The following ENTREP2 variants were observed in gnomAD, a reference collection of about 807,000 sequenced individuals.
ENTREP2 encodes the protein protein ENTREP2.
At chr15:29,157,076 G>A in the ENTREP2 span, among the ~76,000 whole-genome samples, 18 of 152,238 alleles carry the variant, frequency 1.2e-4, no homozygotes, top group African/African-American at 3.1e-4. Flanking sequence ...CAGCCTGGGC[G>A]ACAAAGCGAG....
At chr15:29,123,503 A>G in the ENTREP2 span, 2 of 1,551,702 alleles carry the variant, frequency 1.3e-6, no homozygotes, top group Middle Eastern at 3.3e-4. Flanking sequence ...GCATCCGCAT[A>G]GGCCTTGCTG....
chr15:29,527,506 C>T, the ENTREP2 span, among the ~76,000 whole-genome samples: 1 of 152,136 alleles, frequency 6.6e-6, no homozygotes, highest in Non-Finnish European at 1.5e-5. Context: ...TTCACAAAAT[C>T]CTTCTCATCT....
the ENTREP2 span, among the ~76,000 whole-genome samples, chr15:29,359,450 T>A: frequency 6.6e-6 from 1 of 152,178 alleles, no homozygotes; most frequent in Non-Finnish European, 1.5e-5. Context: ...TCTTGCTCTG[T>A]CCCCCAGGCT....
chr15:29,604,096 C>A, the ENTREP2 span, among the ~76,000 whole-genome samples: 3 of 152,212 alleles, frequency 2.0e-5, no homozygotes, highest in African/African-American at 4.8e-5. Flanking sequence ...CCCTAATATG[C>A]AAAGGAGTCC....
At chr15:29,343,026 A>ATGGGG in the ENTREP2 span, among the ~76,000 whole-genome samples, 6 of 37,360 alleles carry the variant, frequency 1.6e-4, no homozygotes, top group Non-Finnish European at 3.1e-4. Flanking sequence ...GTAAAAAGGA[A>ATGGGG]TGGGGGGGGT....
the ENTREP2 span, among the ~76,000 whole-genome samples, chr15:29,208,466 G>A: frequency 8.5e-5 from 13 of 152,308 alleles, no homozygotes; most frequent in Admixed American, 2.6e-4. Flanking sequence ...TCAAGCCTCT[G>A]CCCAGTGGCA....
At chr15:29,161,278 C>A in the ENTREP2 span, among the ~76,000 whole-genome samples, 1 of 152,168 alleles carries the variant, frequency 6.6e-6, no homozygotes, top group East Asian at 1.9e-4. Context: ...TCTACAAAGA[C>A]AGGGATTCCC....
At chr15:29,570,297 C>A in the ENTREP2 span, among the ~76,000 whole-genome samples, 3 of 151,740 alleles carry the variant, frequency 2.0e-5, no homozygotes, top group Non-Finnish European at 2.9e-5. Context: ...GCAATAGGAG[C>A]GGGAACGCGA....
chr15:29,467,196 C>T, the ENTREP2 span, among the ~76,000 whole-genome samples: 9,094 of 152,090 alleles, frequency 0.06, 336 homozygotes, highest in Non-Finnish European at 0.073. Context: ...TGCGGCAAAG[C>T]GATGGGCAGG....
At chr15:29,517,961 G>A in the ENTREP2 span, among the ~76,000 whole-genome samples, 1 of 152,312 alleles carries the variant, frequency 6.6e-6, no homozygotes, top group South Asian at 2.1e-4. Context: ...GCACTGCTGG[G>A]TGCGGTGGTT....
chr15:29,237,348 T>G, the ENTREP2 span, among the ~76,000 whole-genome samples: 2 of 152,240 alleles, frequency 1.3e-5, no homozygotes, highest in African/African-American at 2.4e-5. Context: ...TTAATTTTTC[T>G]TAACATTTTC....
At chr15:29,235,159 G>A in the ENTREP2 span, 3 of 784,020 alleles carry the variant, frequency 3.8e-6, no homozygotes, top group Non-Finnish European at 6.7e-6. Context: ...AGCGAGGTGG[G>A]AGGGGAGACC....
the ENTREP2 span, among the ~76,000 whole-genome samples, chr15:29,453,058 C>T: frequency 2.0e-5 from 3 of 152,180 alleles, no homozygotes; most frequent in Non-Finnish European, 4.4e-5. Context: ...TCTAAAATCA[C>T]CTCGAGGCAA....
chr15:29,383,893 G>T, the ENTREP2 span, among the ~76,000 whole-genome samples: 1 of 152,134 alleles, frequency 6.6e-6, no homozygotes, highest in Non-Finnish European at 1.5e-5. Context: ...CACAGTTACC[G>T]GCGACAGACA....
chr15:29,589,336 T>C, the ENTREP2 span, among the ~76,000 whole-genome samples: 1 of 152,218 alleles, frequency 6.6e-6, no homozygotes, highest in Admixed American at 6.5e-5. Flanking sequence ...TTGTTTACAA[T>C]TTCAGATTAA....
chr15:29,658,350 G>A, the ENTREP2 span, among the ~76,000 whole-genome samples: 1 of 152,184 alleles, frequency 6.6e-6, no homozygotes, highest in Non-Finnish European at 1.5e-5. Context: ...CCCTAGCCTT[G>A]CAGAACTGTG....
the ENTREP2 span, among the ~76,000 whole-genome samples, chr15:29,241,860 C>CG: frequency 6.6e-6 from 1 of 151,836 alleles, no homozygotes; most frequent in Non-Finnish European, 1.5e-5. Flanking sequence ...CAGTGAGACC[C>CG]CCCCCCACCA....
chr15:29,658,181 T>C, the ENTREP2 span, among the ~76,000 whole-genome samples: 3 of 152,136 alleles, frequency 2.0e-5, no homozygotes, highest in Admixed American at 2.0e-4. Context: ...CCCCATCCTG[T>C]TCTTGTGATA....
At chr15:29,547,375 A>G in the ENTREP2 span, among the ~76,000 whole-genome samples, 1 of 152,154 alleles carries the variant, frequency 6.6e-6, no homozygotes. Context: ...GGCGTGAGCC[A>G]CCAGACCTGG....
Sources: gnomAD v4.1 joint callset for allele counts (sites outside exome capture counted in the v4.1 genomes callset) on GRCh38, gnomAD v4.1.1 for gene constraint, MANE v1.5 for transcripts, NCBI Gene and HGNC (gene_info 2026-07-23, HGNC 2026-07-21) for gene names.